The following TMEM231 variants were observed in gnomAD, a reference collection of about 807,000 sequenced individuals.
TMEM231 encodes the protein transmembrane protein 231.
A neutral mutation model predicts 38.5 loss-of-function variants in TMEM231; 40 were observed. The ratio of observed to expected loss-of-function variants is 1.04; its 90% CI spans 0.81 to 1.35. The LOEUF is 1.35. Among genes scored for constraint, TMEM231 ranks in the 40% most tolerant of loss-of-function variants. The pLI, the probability that TMEM231 is intolerant of heterozygous loss-of-function variation, is 0.00. For missense variants in TMEM231, 420 were observed against 416.9 expected, an observed-to-expected ratio of 1.01 and a Z score of -0.07; for synonymous variants, 199 against 181.7, an observed-to-expected ratio of 1.10 and a Z score of -0.77.
At chr16:75,554,986 A>G (rs2080795436) in intron 2 of TMEM231, 1 of 152,198 alleles carries the variant, frequency 6.6e-6, no homozygotes, top group Non-Finnish European at 1.5e-5. Flanking sequence ...CTCCTCAGCT[A>G]TACAAGGTTG....
At chr16:75,551,606 T>C (rs1464089985) in intron 2 of TMEM231, among the ~76,000 whole-genome samples, 1 of 152,146 alleles carries the variant, frequency 6.6e-6, no homozygotes, top group Non-Finnish European at 1.5e-5. Context: ...TTTTAAAAAG[T>C]TACTAAAAGA....
chr16:75,550,432 T>A lies in TMEM231; in HGVS notation c.310-4478A>T, dbSNP rs191951332. On this transcript the variant is annotated intron_variant, in intron 2 of 6. Coordinates refer to ENST00000258173, the MANE Select transcript of TMEM231 (RefSeq NM_001077418.3). The stretch of plus-strand genomic sequence containing the variant: ...GAACAAGGCTCATCATGCCTCCTAC[T>A]GGCAGAACCTAACAGGAAGCTGCAG... Among the ~76,000 whole-genome samples, 27 of 152,284 alleles carry A rather than the reference T, an allele frequency of 1.8e-4. 1 individual carries two copies. The highest frequency in any genetic ancestry group is 1.7e-3 in the Admixed American group (26 of 15,294).
intron 2 of TMEM231, among the ~76,000 whole-genome samples, chr16:75,548,384 T>C (rs1039774687): frequency 2.6e-5 from 4 of 152,312 alleles, no homozygotes; most frequent in Non-Finnish European, 5.9e-5. Context: ...AATTCACTCA[T>C]TGATCTGTTA....
At chr16:75,548,714 C>G (rs932487400) in intron 2 of TMEM231, among the ~76,000 whole-genome samples, 1 of 152,032 alleles carries the variant, frequency 6.6e-6, no homozygotes, top group Admixed American at 6.6e-5. Flanking sequence ...ATTAAAAATA[C>G]AAAAATTAGC....
At chr16:75,541,848 C>T (rs1362808031) in intron 5 of TMEM231, 1 of 155,064 alleles carries the variant, frequency 6.4e-6, no homozygotes, top group Non-Finnish European at 1.4e-5. Flanking sequence ...AAAAGATCTG[C>T]AGAAGGCTAA....
In TMEM231 at chr16:75,540,175, G is replaced by T; in HGVS notation, c.771-1C>A. ...CATCTCCCAGAATCCTGGCTGATAA[G>T]TATGGACAGTTAAGGAGTGAAGGGC... On this transcript the variant is annotated splice_acceptor_variant, in intron 6 of 6. Coordinates refer to ENST00000258173, the MANE Select transcript of TMEM231 (RefSeq NM_001077418.3). LOFTEE classifies it high-confidence loss of function. The T allele has an allele frequency of 6.2e-7, 1 of 1,611,560 alleles. No homozygotes were observed. The highest frequency in any genetic ancestry group is 8.5e-7 in the Non-Finnish European group (1 of 1,178,776).
chr16:75,541,231 G>T, intron 6 of TMEM231, 119 bp downstream of exon 6: 1 of 518,324 alleles, frequency 1.9e-6, no homozygotes, highest in Non-Finnish European at 3.2e-6. Flanking sequence ...TCTTGGCCAG[G>T]CTGGTTGTGA....
Position 75,540,156 on chromosome 16 carries a change from C to T in TMEM231, c.789G>A (p.Trp263Ter). ...VEVISYQPGFWEMVKFAWVQY... is the reference protein window; with the variant it reads ...VEVISYQPGF The stretch of plus-strand genomic sequence containing the variant: ...GCACCCAGGCGAACTTTACCATCTC[C>T]CAGAATCCTGGCTGATAAGTATGGA... The change falls in exon 7 of 7, where the codon TGG becomes TGA. Residue 263 changes from tryptophan (W) to a stop codon, truncating the protein, a stop_gained. Coordinates refer to ENST00000258173, the MANE Select transcript of TMEM231 (RefSeq NM_001077418.3). LOFTEE classifies it high-confidence loss of function. 1 of 1,613,310 alleles carries T rather than the reference C, an allele frequency of 6.2e-7. No individual in the cohort carries two copies. Among genetic ancestry groups the T allele is most frequent in the East Asian group, 2.2e-5 (1 of 44,872 alleles).
intron 2 of TMEM231, among the ~76,000 whole-genome samples, chr16:75,552,821 T>A (rs2080777275): frequency 6.6e-6 from 1 of 152,138 alleles, no homozygotes; most frequent in Admixed American, 6.6e-5. Context: ...GACACTGATT[T>A]CAGGGATGAG....
intron 2 of TMEM231, among the ~76,000 whole-genome samples, chr16:75,551,502 T>C (rs1411231087): frequency 6.6e-6 from 1 of 152,228 alleles, no homozygotes; most frequent in Non-Finnish European, 1.5e-5. Flanking sequence ...CAATCTAAGA[T>C]ACCATTACTT....
At chr16:75,547,751 C>T (rs1812507) in intron 2 of TMEM231, among the ~76,000 whole-genome samples, 18,575 of 151,888 alleles carry the variant, frequency 0.12, 2,692 homozygotes, top group East Asian at 0.72. Flanking sequence ...TGCACTCCAG[C>T]CTGGTGACAG....
At chr16:75,550,030 A>C (rs2080739449) in intron 2 of TMEM231, among the ~76,000 whole-genome samples, 1 of 152,190 alleles carries the variant, frequency 6.6e-6, no homozygotes. Flanking sequence ...AACATAGGGA[A>C]TAAATAGTCC....
intron 1 of TMEM231, 40 bp from the exon 2 acceptor site, chr16:75,556,013 C>G: frequency 6.3e-7 from 1 of 1,575,698 alleles, no homozygotes; most frequent in Non-Finnish European, 8.6e-7. Context: ...TTAGGGAGGC[C>G]GGCCCTGGCC....
chr16:75,544,845 T>C (rs983056101), intron 4 of TMEM231, among the ~76,000 whole-genome samples: 1 of 152,070 alleles, frequency 6.6e-6, no homozygotes, highest in Non-Finnish European at 1.5e-5. Context: ...TAACTATGCG[T>C]GTACCTTCTC....
At chr16:75,545,029 C>G (rs2080669411) in intron 4 of TMEM231, among the ~76,000 whole-genome samples, 1 of 145,552 alleles carries the variant, frequency 6.9e-6, no homozygotes, top group Admixed American at 7.0e-5. Context: ...GATCTCAGCT[C>G]ACTGTAACCT....
At chr16:75,554,586 G>GA (rs1052788906) in intron 2 of TMEM231, among the ~76,000 whole-genome samples, 5 of 144,604 alleles carry the variant, frequency 3.5e-5, no homozygotes, top group African/African-American at 1.3e-4. Context: ...AAAAAGAAAA[G>GA]AAAAAAAGAA....
At chr16:75,543,230 G>C (rs1488283430) in intron 4 of TMEM231, among the ~76,000 whole-genome samples, 1 of 150,666 alleles carries the variant, frequency 6.6e-6, no homozygotes, top group African/African-American at 2.4e-5. Flanking sequence ...TCCAGTTTAG[G>C]AAACAGAGAA....
chr16:75,543,046 C>G (rs2080645948), intron 4 of TMEM231, among the ~76,000 whole-genome samples: 1 of 152,112 alleles, frequency 6.6e-6, no homozygotes, highest in African/African-American at 2.4e-5. Context: ...TAAAATACCC[C>G]TCTTTATCTC....
chr16:75,541,335 TA>T lies in TMEM231; in HGVS notation c.770+14del. ...ACATCCAGCCTTAACATGGACTCTT[TA>T]ACAGAAAGGATATGAAATGACTTCC... On this transcript the variant is annotated intron_variant, in intron 6 of 6. Coordinates refer to ENST00000258173, the MANE Select transcript of TMEM231 (RefSeq NM_001077418.3). 6.3e-7 allele frequency: 1 copy of T among 1,589,676 alleles called. No individual in the cohort carries two copies. The highest frequency in any genetic ancestry group is 8.6e-7 in the Non-Finnish European group (1 of 1,162,278).
Sources: allele counts gnomAD v4.1 joint callset (sites outside exome capture counted in the v4.1 genomes callset), GRCh38; gene constraint gnomAD v4.1.1; transcripts MANE v1.5; gene names NCBI Gene and HGNC (gene_info 2026-07-23, HGNC 2026-07-21).